Variants in MYO5C observed in about 807,000 individuals in gnomAD.
MYO5C encodes the protein myosin VC.
In MYO5C, 194 loss-of-function variants were observed where a neutral mutation model predicts 235.7. The ratio of observed to expected loss-of-function variants is 0.82; its 90% CI spans 0.73 to 0.93. The LOEUF is 0.93. MYO5C is among the 40% of genes least tolerant of loss of function. MYO5C has a pLI of 0.00. For synonymous variants in MYO5C, 707 were observed against 754.8 expected (o/e 0.94, Z 1.04); for missense variants, 2,038 against 2,127.2 (o/e 0.96, Z 0.82).
At position 52,229,122 on chromosome 15, in the gene MYO5C, A is replaced by T. The variant is rs1343111574; in HGVS notation, c.3207+11T>A. 6.8e-6 allele frequency: 11 copies of T among 1,613,594 alleles called. No homozygotes were observed. Among genetic ancestry groups the T allele is most frequent in the African/African-American group, 1.3e-5 (1 of 74,910 alleles). On this transcript the variant is annotated intron_variant, in intron 25 of 40. Coordinates refer to ENST00000261839, the MANE Select transcript of MYO5C (RefSeq NM_018728.4). ...ACCAGAGGGCGGGGCTGAACGTGAG[A>T]GCCGCTCTACCTTGACCTGCTTGCT...
chr15:52,282,969 G>T (rs2037191977), intron 1 of MYO5C, 77 bp from the exon 2 acceptor site: 2 of 914,760 alleles, frequency 2.2e-6, no homozygotes, highest in Non-Finnish European at 3.6e-6. Flanking sequence ...ACACAGGAAG[G>T]TTTCTTTCTG....
In MYO5C at chr15:52,253,346, T is replaced by C. The variant is rs755972687; in HGVS notation, c.1507A>G (p.Ile503Val). 3.1e-6 allele frequency: 5 copies of C among 1,612,788 alleles called. No individual in the cohort carries two copies. The highest frequency in any genetic ancestry group is 4.2e-6 in the Non-Finnish European group (5 of 1,179,482). ...VIDLIEAKMG[I>V]LELLDEECLL... ...CATTCTTCATCCAGTAACTCCAGAA[T>C]TCCCATTTTTGCTTCAATCAGGTCA... The change falls in exon 12 of 41, where the codon ATT becomes GTT. Residue 503 changes from isoleucine to valine, a missense_variant. By Grantham distance (29) the Ile-to-Val change is conservative (BLOSUM62 3). Transcript: ENST00000261839.
At chr15:52,246,821 C>T (rs1346031509) in intron 16 of MYO5C, 96 bp downstream of exon 16, 16 of 914,096 alleles carry the variant, frequency 1.8e-5, no homozygotes, top group East Asian at 1.3e-4. Flanking sequence ...AACCCAGAAA[C>T]AGGGTAATCT....
intron 20 of MYO5C, 43 bp downstream of exon 20, chr15:52,242,005 G>A (rs1227418073): frequency 6.4e-7 from 1 of 1,554,692 alleles, no homozygotes; most frequent in East Asian, 2.3e-5. Context: ...CAGTAAGGAA[G>A]GCCCGTACAC....
chr15:52,275,744 A>G (rs368890524), intron 4 of MYO5C, 26 bp from the exon 5 acceptor site: 38 of 1,611,338 alleles, frequency 2.4e-5, no homozygotes, highest in East Asian at 6.7e-5. Context: ...GTTTTCAAAT[A>G]TTAGTTTCTT....
chr15:52,266,550 G>C (rs1393967227), intron 8 of MYO5C, among the ~76,000 whole-genome samples: 1 of 152,172 alleles, frequency 6.6e-6, no homozygotes, highest in East Asian at 1.9e-4. Flanking sequence ...ACCGTCCTTG[G>C]TATTTTCCAC....
intron 13 of MYO5C, among the ~76,000 whole-genome samples, chr15:52,250,481 C>T (rs1179100139): frequency 5.9e-5 from 9 of 151,972 alleles, no homozygotes; most frequent in African/African-American, 1.5e-4. Flanking sequence ...TGGTCTCAAG[C>T]GATCCACCCG....
intron 14 of MYO5C, among the ~76,000 whole-genome samples, chr15:52,248,437 C>T (rs549345662): frequency 2.6e-5 from 4 of 152,314 alleles, no homozygotes; most frequent in Admixed American, 6.5e-5. Context: ...TGAGCCACCA[C>T]GTCTGGCTGG....
chr15:52,260,347 G>T (rs2036667045), intron 10 of MYO5C, among the ~76,000 whole-genome samples: 2 of 152,214 alleles, frequency 1.3e-5, no homozygotes, highest in South Asian at 4.1e-4. Flanking sequence ...TCCACCTCTG[G>T]CCGCTGGGCT....
At chr15:52,243,651 G>C (rs2036273035) in intron 19 of MYO5C, 1 of 152,450 alleles carries the variant, frequency 6.6e-6, no homozygotes, top group Middle Eastern at 3.4e-3. Flanking sequence ...CCCAAAGAAG[G>C]GGCAGAGCAG....
At chr15:52,244,950 C>T (rs1177355482) in intron 18 of MYO5C, among the ~76,000 whole-genome samples, 1 of 152,164 alleles carries the variant, frequency 6.6e-6, no homozygotes, top group Non-Finnish European at 1.5e-5. Flanking sequence ...TTTGCTGGAC[C>T]TTATAACTCC....
rs73404855 is a variant in MYO5C at position 52,206,680 on chromosome 15, G to A, written c.4387-714C>T. Among the ~76,000 whole-genome samples, 219 of 152,276 alleles carry A rather than the reference G, an allele frequency of 1.4e-3. 2 individuals carry two copies. Among genetic ancestry groups the A allele is most frequent in the African/African-American group, 4.9e-3 (204 of 41,544 alleles). On this transcript the variant is annotated intron_variant, in intron 36 of 40. Coordinates refer to ENST00000261839, the MANE Select transcript of MYO5C (RefSeq NM_018728.4). ...GCCCTCACCAGGAAGTGACCATGCT[G>A]GCACCCTGATCTCAGATGTTTAGCC...
intron 32 of MYO5C, among the ~76,000 whole-genome samples, chr15:52,215,959 A>G (rs1438757980): frequency 1.3e-5 from 2 of 152,014 alleles, no homozygotes; most frequent in South Asian, 2.1e-4. Flanking sequence ...TTTTTTCTCT[A>G]TGATTAATAA....
At chr15:52,282,630 C>T (rs929726110) in intron 2 of MYO5C, 152 bp downstream of exon 2, 5 of 639,422 alleles carry the variant, frequency 7.8e-6, no homozygotes, top group Non-Finnish European at 1.4e-5. Context: ...CAGTGAGTCC[C>T]GGCACCAGGA....
At chr15:52,279,810 C>T in intron 2 of MYO5C, 136 bp from the exon 3 acceptor site, 1 of 829,260 alleles carries the variant, frequency 1.2e-6, no homozygotes, top group Non-Finnish European at 1.8e-6. Flanking sequence ...CTTATAGCAA[C>T]AAGAAAATCT....
At position 52,271,229 on chromosome 15, in the gene MYO5C, G is replaced by C. The variant is rs74866267; in HGVS notation, c.832+534C>G. On this transcript the variant is annotated intron_variant, in intron 7 of 40. Coordinates refer to ENST00000261839, the MANE Select transcript of MYO5C (RefSeq NM_018728.4). The stretch of plus-strand genomic sequence containing the variant: ...CTGGAGGACCATAAATACCCAATGA[G>C]CTATTTTTTTTTTTTTTGAGACGGA... Among the ~76,000 whole-genome samples the C allele has an allele frequency of 2.5e-3, 373 of 151,824 alleles. 5 individuals carry two copies. Among genetic ancestry groups the C allele is most frequent in the Admixed American group, 0.018 (281 of 15,256 alleles).
rs145270070 is a variant in MYO5C, at chr15:52,218,959, C to T, written c.3786-272G>A. Among the ~76,000 whole-genome samples the T allele has an allele frequency of 1.7e-4, 26 of 152,312 alleles. 1 individual carries two copies. Among genetic ancestry groups the T allele is most frequent in the Admixed American group, 1.2e-3 (18 of 15,304 alleles). Reference sequence around the variant, plus strand: ...CCAACCTCAGCCCCACTTACTGTTCCCATGGGACATCCACGCCCACCATAC... The same window carrying T: ...CCAACCTCAGCCCCACTTACTGTTCTCATGGGACATCCACGCCCACCATAC... On this transcript the variant is annotated intron_variant, in intron 31 of 40. Transcript: ENST00000261839.
At chr15:52,230,016 C>T (rs1019571028) in intron 24 of MYO5C, among the ~76,000 whole-genome samples, 2 of 152,154 alleles carry the variant, frequency 1.3e-5, no homozygotes, top group Non-Finnish European at 2.9e-5. Context: ...TTCCTCGTTC[C>T]AAGGATCCTG....
chr15:52,196,629 G>A (rs2035059130), intron 38 of MYO5C, 146 bp from the exon 39 acceptor site: 2 of 701,818 alleles, frequency 2.8e-6, no homozygotes, highest in Non-Finnish European at 4.7e-6. Context: ...GAGTTGGACT[G>A]ATGATCAGCT....
Sources: gnomAD v4.1 joint callset for allele counts (sites outside exome capture counted in the v4.1 genomes callset) on GRCh38, gnomAD v4.1.1 for gene constraint, MANE v1.5 for transcripts, NCBI Gene and HGNC (gene_info 2026-07-23, HGNC 2026-07-21) for gene names.